Variants in SNX9 observed in about 807,000 individuals in gnomAD.
SNX9 encodes the protein sorting nexin 9.
SNX9 carries 44 observed loss-of-function variants against 89.4 expected under a neutral mutation model. The ratio of observed to expected loss-of-function variants is 0.49; its 90% confidence interval spans 0.39 to 0.63. The LOEUF (loss-of-function observed/expected upper bound fraction) is 0.63. SNX9 is among the 30% of genes least tolerant of loss of function. The pLI is 0.00. For synonymous variants in SNX9, 236 were observed against 247.8 expected (o/e 0.95, Z 0.45); for missense variants, 578 against 736.1 (o/e 0.79, Z 2.49).
chr6:157,906,095 T>G (rs80009789), intron 6 of SNX9, 33 bp from the exon 7 acceptor site: 17,213 of 1,576,374 alleles, frequency 0.011, 271 homozygotes, highest in African/African-American at 0.068. Flanking sequence ...AAGGAAAGTC[T>G]TAAGACTGAT....
chr6:157,927,952 CAT>C lies in SNX9; in HGVS notation c.1185-645_1185-644del, dbSNP rs1202277391. Among the ~76,000 whole-genome samples, 65 of 151,982 alleles carry C rather than the reference CAT, an allele frequency of 4.3e-4. 1 individual carries two copies. The highest frequency in any genetic ancestry group is 4.2e-4 in the South Asian group (2 of 4,802). On this transcript the variant is annotated intron_variant, in intron 11 of 17. Transcript: ENST00000392185. ...AGTAACACACACACACACACACACACATAACCCTTCAACCACGCAGAGAGAAA... is the reference window on the plus strand; with the variant it reads ...AGTAACACACACACACACACACACACAACCCTTCAACCACGCAGAGAGAAA...
In SNX9 at chr6:157,834,161, T is replaced by G. The variant is rs1385312279; in HGVS notation, c.12+10715T>G. On this transcript the variant is annotated intron_variant, in intron 1 of 17. Transcript: ENST00000392185. ...TGGTGTCCACTGTGGTTTTTTTTTT[T>G]TTTTTTTTTTTTTTTTTTTTTTTTG... Among the ~76,000 whole-genome samples the G allele has an allele frequency of 1.4e-4, 14 of 99,542 alleles. 1 individual carries two copies. The highest frequency in any genetic ancestry group is 4.7e-4 in the African/African-American group (10 of 21,332). The allele number at this position is 99,542 out of a possible 152,430, so 65.3% of individuals were successfully genotyped here. A position where few individuals can be genotyped will look rare whatever the true frequency, so the allele number is the denominator to read the frequency against.
chr6:157,869,569 C>T (rs930863074), intron 2 of SNX9, among the ~76,000 whole-genome samples: 1 of 152,162 alleles, frequency 6.6e-6, no homozygotes, highest in Non-Finnish European at 1.5e-5. Flanking sequence ...CCTCTTCTCT[C>T]CACCCTGCGC....
chr6:157,833,535 T>C (rs555290794), intron 1 of SNX9, among the ~76,000 whole-genome samples: 36 of 152,284 alleles, frequency 2.4e-4, no homozygotes, highest in Admixed American at 2.2e-3. Context: ...AAAGAGTATG[T>C]TTTAAAAGTA....
chr6:157,848,119 C>T (rs908850955), intron 1 of SNX9, among the ~76,000 whole-genome samples: 2 of 152,196 alleles, frequency 1.3e-5, no homozygotes, highest in Admixed American at 1.3e-4. Flanking sequence ...GGCTGTGTCT[C>T]CTCCTAAAAC....
At chr6:157,881,474 A>G (rs968080931) in intron 4 of SNX9, among the ~76,000 whole-genome samples, 2 of 152,026 alleles carry the variant, frequency 1.3e-5, no homozygotes, top group African/African-American at 4.8e-5. Flanking sequence ...CATTTCTCTC[A>G]CTTTAAATCA....
At chr6:157,863,311 G>A (rs1366820926) in intron 1 of SNX9, among the ~76,000 whole-genome samples, 1 of 152,250 alleles carries the variant, frequency 6.6e-6, no homozygotes, top group African/African-American at 2.4e-5. Context: ...GGGCAGATGT[G>A]TGCTTGCACA....
chr6:157,859,253 G>A (rs1782071707), intron 1 of SNX9, among the ~76,000 whole-genome samples: 1 of 152,106 alleles, frequency 6.6e-6, no homozygotes, highest in Admixed American at 6.6e-5. Flanking sequence ...CATGTTTCTA[G>A]GTGACCAATT....
chr6:157,873,553 A>G (rs910704601), intron 3 of SNX9, among the ~76,000 whole-genome samples: 4 of 147,574 alleles, frequency 2.7e-5, no homozygotes, highest in Non-Finnish European at 4.5e-5. Flanking sequence ...GTTAATATAT[A>G]CATTTTAAAT....
intron 4 of SNX9, among the ~76,000 whole-genome samples, chr6:157,886,681 G>A (rs1321281376): frequency 2.0e-5 from 3 of 152,140 alleles, no homozygotes. Context: ...AGTTAATTAT[G>A]TCGAATTCCA....
At chr6:157,923,371 A>G (rs1216294287) in intron 10 of SNX9, among the ~76,000 whole-genome samples, 3 of 152,284 alleles carry the variant, frequency 2.0e-5, no homozygotes, top group South Asian at 2.1e-4. Flanking sequence ...AGTGGTTAGT[A>G]AGGTAGCTGG....
At chr6:157,930,879 C>A (rs1783797899) in intron 12 of SNX9, among the ~76,000 whole-genome samples, 1 of 152,210 alleles carries the variant, frequency 6.6e-6, no homozygotes, top group Non-Finnish European at 1.5e-5. Flanking sequence ...CATAACACAT[C>A]ATTTAAATCT....
chr6:157,881,859 T>G (rs1782629817), intron 4 of SNX9, among the ~76,000 whole-genome samples: 1 of 152,230 alleles, frequency 6.6e-6, no homozygotes, highest in Non-Finnish European at 1.5e-5. Flanking sequence ...GGAAAGAAGC[T>G]GTCTTCATAA....
chr6:157,935,728 T>A (rs1783909842), intron 13 of SNX9, among the ~76,000 whole-genome samples: 1 of 152,160 alleles, frequency 6.6e-6, no homozygotes. Flanking sequence ...GATTTATGAA[T>A]GAGATGCTGA....
intron 4 of SNX9, among the ~76,000 whole-genome samples, chr6:157,895,808 C>T (rs1247110216): frequency 1.3e-5 from 2 of 152,102 alleles, no homozygotes; most frequent in Non-Finnish European, 2.9e-5. Context: ...CCCCAGCAGA[C>T]CAGGCCAAAC....
At chr6:157,906,448 T>A (rs1783217766) in intron 7 of SNX9, among the ~76,000 whole-genome samples, 1 of 152,250 alleles carries the variant, frequency 6.6e-6, no homozygotes, top group African/African-American at 2.4e-5. Flanking sequence ...TGAACAAATA[T>A]ACTATTTTGA....
At chr6:157,910,502 A>C (rs1783316591) in intron 9 of SNX9, among the ~76,000 whole-genome samples, 1 of 152,210 alleles carries the variant, frequency 6.6e-6, no homozygotes, top group Non-Finnish European at 1.5e-5. Context: ...TTAATGAAGG[A>C]AGAAGCTGCC....
intron 1 of SNX9, among the ~76,000 whole-genome samples, chr6:157,835,814 G>C (rs1781571149): frequency 6.6e-6 from 1 of 152,152 alleles, no homozygotes; most frequent in East Asian, 1.9e-4. Context: ...TGAACTGTGA[G>C]TCAATTAAAC....
At chr6:157,868,469 C>T (rs138249361) in intron 2 of SNX9, among the ~76,000 whole-genome samples, 1 of 152,264 alleles carries the variant, frequency 6.6e-6, no homozygotes, top group East Asian at 1.9e-4. Context: ...AGATTGGGTA[C>T]ATTTTGTTTC....
Sources: gnomAD v4.1 joint callset for allele counts (sites outside exome capture counted in the v4.1 genomes callset) on GRCh38, gnomAD v4.1.1 for gene constraint, MANE v1.5 for transcripts, NCBI Gene and HGNC (gene_info 2026-07-23, HGNC 2026-07-21) for gene names.